Variants in MYO1E observed in about 807,000 individuals in gnomAD.
MYO1E encodes myosin IE, also known as unconventional myosin-Ie.
Under a neutral mutation model 151.1 loss-of-function variants are expected in MYO1E, and 68 were observed. That is an observed-to-expected ratio of 0.45 (90% CI 0.37 to 0.55). The LOEUF is 0.55. Among genes scored for constraint, MYO1E ranks in the 20% least tolerant of loss-of-function variants. The pLI, the probability that MYO1E is intolerant of heterozygous loss-of-function variation, is 0.00. For synonymous variants in MYO1E, 601 were observed against 501.7 expected (o/e 1.20, Z -2.64); for missense variants, 1,363 against 1,389.3 (o/e 0.98, Z 0.30).
At chr15:59,143,752 C>T (rs1219071446) in intron 26 of MYO1E, among the ~76,000 whole-genome samples, 3 of 152,302 alleles carry the variant, frequency 2.0e-5, no homozygotes, top group East Asian at 1.9e-4. Context: ...TGGTGGCACA[C>T]GCCTAAGGCT....
chr15:59,302,687 C>T (rs2080490127), intron 1 of MYO1E, among the ~76,000 whole-genome samples: 1 of 152,228 alleles, frequency 6.6e-6, no homozygotes, highest in Admixed American at 6.5e-5. Context: ...CCATCTAACA[C>T]AGTGCCTGAC....
chr15:59,216,642 C>CTGTGTGTGTGTGTCTGTGTGTGTGTG (rs2079917037), intron 10 of MYO1E, among the ~76,000 whole-genome samples: 1 of 19,324 alleles, frequency 5.2e-5, no homozygotes, highest in African/African-American at 2.3e-4. Flanking sequence ...GAAGGGCCCC[C>CTGTGTGTGTGTGTCTGTGTGTGTGTG]AGTGTGTGTG....
chr15:59,295,505 T>C (rs905780935), intron 1 of MYO1E, among the ~76,000 whole-genome samples: 1 of 152,192 alleles, frequency 6.6e-6, no homozygotes. Flanking sequence ...GCAGCCAAGA[T>C]GGAATCTCCA....
chr15:59,197,013 G>A (rs1490176204), intron 16 of MYO1E, among the ~76,000 whole-genome samples: 1 of 5,776 alleles, frequency 1.7e-4, no homozygotes, highest in African/African-American at 2.4e-4. Flanking sequence ...TTTTTTTTGA[G>A]ATGGAGTCTC....
chr15:59,194,059 AAC>A (rs1221218997), intron 17 of MYO1E, among the ~76,000 whole-genome samples: 1 of 152,096 alleles, frequency 6.6e-6, no homozygotes, highest in African/African-American at 2.4e-5. Flanking sequence ...CTGTAATCTC[AAC>A]TACTCAGGAG....
intron 1 of MYO1E, among the ~76,000 whole-genome samples, chr15:59,342,610 T>C (rs2080772244): frequency 6.6e-6 from 1 of 152,228 alleles, no homozygotes; most frequent in Non-Finnish European, 1.5e-5. Context: ...TCTATTTACA[T>C]TCAATGTTAT....
chr15:59,333,933 A>T (rs2080713040), intron 1 of MYO1E, among the ~76,000 whole-genome samples: 1 of 152,222 alleles, frequency 6.6e-6, no homozygotes, highest in Admixed American at 6.5e-5. Context: ...ATGAAAGGTA[A>T]GCGACTTCCT....
intron 1 of MYO1E, among the ~76,000 whole-genome samples, chr15:59,325,117 C>G (rs1183501665): frequency 1.3e-5 from 2 of 152,160 alleles, no homozygotes; most frequent in East Asian, 3.9e-4. Flanking sequence ...TCACTGCAAC[C>G]TCCACCTCCT....
chr15:59,186,836 T>C (rs1177828479), intron 18 of MYO1E, among the ~76,000 whole-genome samples: 3 of 152,352 alleles, frequency 2.0e-5, no homozygotes, highest in Non-Finnish European at 2.9e-5. Context: ...AGAAATACAG[T>C]GGAACGCCAC....
At chr15:59,298,683 AAGG>A (rs1214695321) in intron 1 of MYO1E, among the ~76,000 whole-genome samples, 2 of 152,184 alleles carry the variant, frequency 1.3e-5, no homozygotes, top group Non-Finnish European at 2.9e-5. Context: ...GTAGAAATGG[AAGG>A]AGTTCTTTCA....
At chr15:59,208,202 G>A in intron 14 of MYO1E, 8 of 944,060 alleles carry the variant, frequency 8.5e-6, no homozygotes, top group Non-Finnish European at 1.1e-5. Context: ...AGTAGGTAGA[G>A]TGATTTTCCT....
chr15:59,367,842 G>A (rs1284697025), intron 1 of MYO1E, among the ~76,000 whole-genome samples: 13 of 152,196 alleles, frequency 8.5e-5, no homozygotes, highest in African/African-American at 2.9e-4. Flanking sequence ...GGCAGAGGCC[G>A]GGCGTGGTGG....
chr15:59,236,379 CA>C (rs2080065426), intron 5 of MYO1E, among the ~76,000 whole-genome samples: 2 of 68,198 alleles, frequency 2.9e-5, no homozygotes, highest in Non-Finnish European at 6.5e-5. Context: ...TACACACACA[CA>C]CACACACACA....
At chr15:59,340,108 G>A (rs1392261956) in intron 1 of MYO1E, among the ~76,000 whole-genome samples, 4 of 151,900 alleles carry the variant, frequency 2.6e-5, no homozygotes, top group Non-Finnish European at 4.4e-5. Context: ...TGCCTGTCTC[G>A]GCCTCCCAAA....
chr15:59,295,371 A>C (rs1341734371), intron 1 of MYO1E, among the ~76,000 whole-genome samples: 2 of 152,070 alleles, frequency 1.3e-5, no homozygotes, highest in African/African-American at 4.8e-5. Context: ...AAAAAGACCA[A>C]CTGGACTAGA....
intron 16 of MYO1E, among the ~76,000 whole-genome samples, chr15:59,196,531 G>C (rs1432627956): frequency 2.0e-5 from 3 of 152,136 alleles, no homozygotes; most frequent in African/African-American, 7.2e-5. Context: ...TCCAAAGCCA[G>C]AAAACCATTA....
intron 11 of MYO1E, 86 bp from the exon 12 acceptor site, chr15:59,214,400 T>A: frequency 1.9e-6 from 2 of 1,063,186 alleles, no homozygotes; most frequent in Admixed American, 3.9e-5. Flanking sequence ...AATGTCTTCA[T>A]GTGAAAAGCT....
intron 1 of MYO1E, among the ~76,000 whole-genome samples, chr15:59,327,347 G>A (rs2140420904): frequency 6.6e-6 from 1 of 150,446 alleles, no homozygotes; most frequent in African/African-American, 2.5e-5. Flanking sequence ...TTATTTCAGA[G>A]ATGGGGTCTC....
intron 4 of MYO1E, among the ~76,000 whole-genome samples, chr15:59,246,441 T>G (rs2080130494): frequency 6.6e-6 from 1 of 152,218 alleles, no homozygotes; most frequent in African/African-American, 2.4e-5. Flanking sequence ...TAGCTATTGC[T>G]GTTGCATTTT....
Sources: allele counts gnomAD v4.1 joint callset (sites outside exome capture counted in the v4.1 genomes callset), GRCh38; gene constraint gnomAD v4.1.1; transcripts MANE v1.5; gene names NCBI Gene and HGNC (gene_info 2026-07-23, HGNC 2026-07-21).